The following PGRMC2 variants were observed in gnomAD, a reference collection of about 807,000 sequenced individuals.
PGRMC2 encodes membrane-associated progesterone receptor component 2.
Under a neutral mutation model 19.3 loss-of-function variants are expected in PGRMC2, and 9 were observed. The observed-to-expected ratio is 0.47, with a 90% confidence interval of 0.28 to 0.81. PGRMC2 has a LOEUF of 0.81. Ranked by LOEUF, PGRMC2 falls within the 40% of genes least tolerant of loss-of-function variation. The pLI is 0.11. For missense variants in PGRMC2, 289 were observed against 297.3 expected, an observed-to-expected ratio of 0.97 and a Z score of 0.21; for synonymous variants, 157 against 124.6, an observed-to-expected ratio of 1.26 and a Z score of -1.73.
chr4:128,280,105 A>G (rs943467470), intron 1 of PGRMC2, among the ~76,000 whole-genome samples: 5 of 152,158 alleles, frequency 3.3e-5, no homozygotes, highest in Non-Finnish European at 5.9e-5. Context: ...TGAAGATAAT[A>G]AGTTCACAAT....
chr4:128,282,928 C>A (rs554880927), intron 1 of PGRMC2, among the ~76,000 whole-genome samples: 15 of 152,252 alleles, frequency 9.9e-5, no homozygotes, highest in Admixed American at 1.3e-4. Context: ...GTTCTTCTTA[C>A]GTGACTTTTT....
chr4:128,280,754 T>A (rs964923407), intron 1 of PGRMC2, among the ~76,000 whole-genome samples: 1 of 152,144 alleles, frequency 6.6e-6, no homozygotes, highest in Non-Finnish European at 1.5e-5. Context: ...CATGTCACTA[T>A]GCCTAGCTAA....
intron 1 of PGRMC2, among the ~76,000 whole-genome samples, chr4:128,285,255 T>C (rs928815948): frequency 6.6e-6 from 1 of 152,088 alleles, no homozygotes; most frequent in African/African-American, 2.4e-5. Flanking sequence ...GCCTCCCGAG[T>C]AGCTGGGATT....
At chr4:128,279,712 T>C (rs539487673) in intron 1 of PGRMC2, among the ~76,000 whole-genome samples, 1 of 152,240 alleles carries the variant, frequency 6.6e-6, no homozygotes, top group Non-Finnish European at 1.5e-5. Flanking sequence ...GATGGCTCTC[T>C]ATACTGATGT....
chr4:128,271,797 A>G (rs1382562865), intron 2 of PGRMC2, among the ~76,000 whole-genome samples: 3 of 152,244 alleles, frequency 2.0e-5, no homozygotes, highest in African/African-American at 7.2e-5. Context: ...CAGCTGGGAC[A>G]GCATCACACA....
chr4:128,278,430 GGCACGGT>G lies in PGRMC2; in HGVS notation c.419-5920_419-5914del, dbSNP rs1393227760. On this transcript the variant is annotated intron_variant, in intron 1 of 2. Transcript: ENST00000296425. ...ATACTAAAAATATAAAAATTAGCCG[GGCACGGT>G]GGTGGGCGCCTGTAATCCCGGTTAC... is the stretch of plus-strand genomic sequence containing the variant. Among the ~76,000 whole-genome samples, 4 of 152,128 alleles carry G rather than the reference GGCACGGT, an allele frequency of 2.6e-5. No individual in the cohort carries two copies. The East Asian group carries it at 7.8e-4, about 29-fold the overall frequency.
At chr4:128,276,561 G>T (rs1479962345) in intron 1 of PGRMC2, among the ~76,000 whole-genome samples, 1 of 152,132 alleles carries the variant, frequency 6.6e-6, no homozygotes, top group Non-Finnish European at 1.5e-5. Flanking sequence ...GACCTCAGGT[G>T]ATCCGCCTAC....
At chr4:128,279,281 GACTCA>G (rs1760868298) in intron 1 of PGRMC2, among the ~76,000 whole-genome samples, 1 of 151,544 alleles carries the variant, frequency 6.6e-6, no homozygotes, top group South Asian at 2.1e-4. Context: ...CATCATAAAT[GACTCA>G]ACTTTTTAAA....
rs41299535 is a variant in PGRMC2, at chr4:128,271,175, T to G, written c.*141A>C. 2 of 503,612 alleles carry G rather than the reference T, an allele frequency of 4.0e-6. No individual in the cohort carries two copies. The highest frequency in any genetic ancestry group is 7.2e-6 in the Non-Finnish European group (2 of 279,028). The allele number at this position is 503,612 out of a possible 1,614,324, so 31.2% of individuals were successfully genotyped here. A position where few individuals can be genotyped will look rare whatever the true frequency, so the allele number is the denominator to read the frequency against. On this transcript the variant is annotated 3_prime_UTR_variant, in exon 3 of 3. Coordinates refer to ENST00000296425, the MANE Select transcript of PGRMC2 (RefSeq NM_006320.6). ...TAATGTCTAGTTATTCAAATCTTCA[T>G]AGTGAGATTAATTTATCTTGTACAC...
At position 128,271,001 on chromosome 4, in the gene PGRMC2, GAAGA is replaced by G. The variant is rs1414684194; in HGVS notation, c.*311_*314del. On this transcript the variant is annotated 3_prime_UTR_variant, in exon 3 of 3. Transcript: ENST00000296425. ...TATTTTAAAAAGAAAGAAAGAGAAA[GAAGA>G]AAGGAAAGAAGGAAAAAAGGAAGGA... 2.1e-5 allele frequency: 4 copies of G among 194,858 alleles called. No homozygotes were observed. Among genetic ancestry groups the G allele is most frequent in the African/African-American group, 9.3e-5 (4 of 42,826 alleles). 12.1% of individuals were successfully genotyped at this position (194,858 alleles called of 1,614,324 possible).
At chr4:128,280,352 G>GAAAAAAA (rs747302016) in intron 1 of PGRMC2, among the ~76,000 whole-genome samples, 3 of 60,540 alleles carry the variant, frequency 5.0e-5, no homozygotes, top group Non-Finnish European at 5.9e-5. Context: ...AAATTTTCTG[G>GAAAAAAA]GAAAAAAAAA....
In PGRMC2 at chr4:128,271,331, G is replaced by A. The variant is rs1014951312; in HGVS notation, c.657C>T (p.His219=). 6.3e-7 allele frequency: 1 copy of A among 1,591,528 alleles called. No individual in the cohort carries two copies. The highest frequency in any genetic ancestry group is 8.6e-7 in the Non-Finnish European group (1 of 1,160,200). The change falls in exon 3 of 3, where the codon CAC becomes CAT. Residue 219 remains histidine, a synonymous_variant. Transcript: ENST00000296425. ...EYTDEEDTKD[H]NKQD ...TTTACAAAGTTCAATCCTGTTTATT[G>A]TGATCCTTGGTATCTTCTTCATCTG...
intron 1 of PGRMC2, among the ~76,000 whole-genome samples, chr4:128,285,185 G>T (rs1380810688): frequency 6.6e-6 from 1 of 152,066 alleles, no homozygotes; most frequent in East Asian, 1.9e-4. Context: ...GAGTGCAATG[G>T]CGCAATCTCG....
At chr4:128,274,415 G>A (rs1018008175) in intron 1 of PGRMC2, among the ~76,000 whole-genome samples, 3 of 151,510 alleles carry the variant, frequency 2.0e-5, no homozygotes, top group African/African-American at 4.8e-5. Flanking sequence ...GGAGTCTGAG[G>A]CAGGAGAATT....
chr4:128,272,757 ATTTCAAT>A (rs1459643975), intron 1 of PGRMC2: 1 of 328,320 alleles, frequency 3.0e-6, no homozygotes, highest in Non-Finnish European at 5.4e-6. Flanking sequence ...AAAACCCTCA[ATTTCAAT>A]TACTTCAGAT....
chr4:128,287,316 G>C, intron 1 of PGRMC2, 57 bp downstream of exon 1: 2 of 1,541,368 alleles, frequency 1.3e-6, no homozygotes, highest in Non-Finnish European at 1.8e-6. Flanking sequence ...CTCCCTGTCC[G>C]AAGGGGGTTG....
chr4:128,271,485 C>A, intron 2 of PGRMC2, 72 bp from the exon 3 acceptor site: 1 of 723,520 alleles, frequency 1.4e-6, no homozygotes, highest in Non-Finnish European at 2.4e-6. Flanking sequence ...AGAGAAAAGG[C>A]ATTTGTCTGT....
intron 1 of PGRMC2, 131 bp from the exon 2 acceptor site, chr4:128,272,648 C>T (rs1388115483): frequency 2.0e-6 from 1 of 488,298 alleles, no homozygotes. Flanking sequence ...TTGTATATAC[C>T]CTTAATTTCA....
chr4:128,281,751 C>T (rs561196651), intron 1 of PGRMC2, among the ~76,000 whole-genome samples: 15 of 152,258 alleles, frequency 9.9e-5, no homozygotes, highest in African/African-American at 3.6e-4. Context: ...TGTGTTAATA[C>T]TAATCAGATA....
Sources: allele counts gnomAD v4.1 joint callset (sites outside exome capture counted in the v4.1 genomes callset), GRCh38; gene constraint gnomAD v4.1.1; transcripts MANE v1.5; gene names NCBI Gene and HGNC (gene_info 2026-07-23, HGNC 2026-07-21).